JAK2: variants seen among roughly 807,000 people sequenced by gnomAD.
JAK2 encodes tyrosine-protein kinase JAK2.
In JAK2, 86 loss-of-function variants were observed where a neutral mutation model predicts 139.3. The observed-to-expected ratio is 0.62, with a 90% CI of 0.52 to 0.74. JAK2 has a LOEUF of 0.74. Ranked by LOEUF, JAK2 falls within the 30% of genes least tolerant of loss-of-function variation. The pLI is 0.00. For synonymous variants in JAK2, 490 were observed against 437.7 expected (o/e 1.12, Z -1.49); for missense variants, 1,421 against 1,360.3 (o/e 1.04, Z -0.70).
At chr9:5,012,495 T>G (rs1013400477) in intron 2 of JAK2, among the ~76,000 whole-genome samples, 1 of 152,214 alleles carries the variant, frequency 6.6e-6, no homozygotes, top group Non-Finnish European at 1.5e-5. Flanking sequence ...TATCATTTCC[T>G]TGGTGTTTGG....
intron 14 of JAK2, among the ~76,000 whole-genome samples, chr9:5,075,774 C>A (rs80025393): frequency 0.081 from 12,349 of 152,188 alleles, 1,534 homozygotes; most frequent in African/African-American, 0.27. Context: ...ACTTTCAAGT[C>A]TTATTATCTA....
chr9:4,992,618 C>CA (rs1400351074), intron 2 of JAK2, among the ~76,000 whole-genome samples: 1 of 152,182 alleles, frequency 6.6e-6, no homozygotes, highest in Non-Finnish European at 1.5e-5. Flanking sequence ...GACAGTAACT[C>CA]AGAGTCCAGT....
intron 19 of JAK2, chr9:5,085,878 G>T: frequency 1.3e-6 from 1 of 796,100 alleles, no homozygotes; most frequent in Non-Finnish European, 2.3e-6. Flanking sequence ...AAGTTCTGTT[G>T]TTGATATGAG....
chr9:5,001,344 AT>A (rs1820914324), intron 2 of JAK2, among the ~76,000 whole-genome samples: 1 of 152,124 alleles, frequency 6.6e-6, no homozygotes, highest in Non-Finnish European at 1.5e-5. Flanking sequence ...TCTTTATTTT[AT>A]TGAGGAAATT....
At chr9:5,005,546 A>G (rs1248246206) in intron 2 of JAK2, among the ~76,000 whole-genome samples, 1 of 152,032 alleles carries the variant, frequency 6.6e-6, no homozygotes, top group Non-Finnish European at 1.5e-5. Context: ...TTAAAGTGTT[A>G]TTGGATTTAA....
At chr9:5,043,016 C>A (rs1014114629) in intron 4 of JAK2, among the ~76,000 whole-genome samples, 2 of 152,194 alleles carry the variant, frequency 1.3e-5, no homozygotes, top group South Asian at 2.1e-4. Flanking sequence ...TCGCGCGGCT[C>A]GGCCCCTGGG....
At chr9:5,038,596 AT>A (rs58788809) in intron 4 of JAK2, among the ~76,000 whole-genome samples, 15,722 of 146,428 alleles carry the variant, frequency 0.11, 2,056 homozygotes, top group African/African-American at 0.32. Flanking sequence ...TGGATTTTAG[AT>A]TTTTTTTTTT....
chr9:5,083,124 T>C (rs542237458), intron 19 of JAK2, among the ~76,000 whole-genome samples: 4 of 152,306 alleles, frequency 2.6e-5, no homozygotes, highest in Non-Finnish European at 4.4e-5. Context: ...CAGGAGTTCA[T>C]TGTTAAGTGA....
chr9:5,117,134 C>T (rs1233005375), intron 22 of JAK2, among the ~76,000 whole-genome samples: 1 of 152,262 alleles, frequency 6.6e-6, no homozygotes, highest in Non-Finnish European at 1.5e-5. Context: ...AAGCAGAGAG[C>T]AGCCCTCACC....
chr9:5,091,787 C>T (rs1402060744), intron 22 of JAK2, among the ~76,000 whole-genome samples: 2 of 152,010 alleles, frequency 1.3e-5, no homozygotes, highest in Non-Finnish European at 2.9e-5. Flanking sequence ...TGAATTGTAG[C>T]TGAATAAAAA....
intron 22 of JAK2, among the ~76,000 whole-genome samples, chr9:5,122,780 G>GCATACC (rs1203522189): frequency 6.6e-6 from 1 of 151,952 alleles, no homozygotes; most frequent in Non-Finnish European, 1.5e-5. Context: ...AACAATCTAG[G>GCATACC]CATAGTGAGT....
chr9:4,999,322 T>C (rs762369525), intron 2 of JAK2, among the ~76,000 whole-genome samples: 2 of 152,250 alleles, frequency 1.3e-5, no homozygotes, highest in Non-Finnish European at 1.5e-5. Flanking sequence ...TATTAAAATA[T>C]CTTATTTGCA....
chr9:5,114,062 A>G, intron 22 of JAK2: 1 of 331,616 alleles, frequency 3.0e-6, no homozygotes, highest in African/African-American at 2.2e-5. Context: ...CCTCCACACA[A>G]AGCAAGCTCA....
chr9:5,011,795 C>T (rs62541531), intron 2 of JAK2, among the ~76,000 whole-genome samples: 51,669 of 151,974 alleles, frequency 0.34, 9,455 homozygotes, highest in African/African-American at 0.48. Context: ...TACTAGCAGA[C>T]CAACTTGATC....
intron 19 of JAK2, among the ~76,000 whole-genome samples, chr9:5,089,411 G>A (rs550426287): frequency 5.9e-5 from 9 of 152,010 alleles, no homozygotes; most frequent in Admixed American, 1.3e-4. Flanking sequence ...ATTGGCGGGC[G>A]CCTGTATTCC....
intron 19 of JAK2, 72 bp from the exon 20 acceptor site, chr9:5,089,602 A>ATAAT (rs1820414135): frequency 1.7e-6 from 1 of 605,550 alleles, no homozygotes; most frequent in African/African-American, 1.9e-5. Context: ...AATTTTCTAT[A>ATAAT]TAATTATAAA....
In JAK2 at chr9:5,112,620, T is replaced by G. The variant is rs926746037; in HGVS notation, c.3060-10384T>G. On this transcript the variant is annotated intron_variant, in intron 22 of 24. Transcript: ENST00000381652. ...AAGGAGCTGGGGCGCATGTGGCAAC[T>G]GCACCTCAACAGCGAGAAGCCCCAG... The G allele has an allele frequency of 1.6e-5, 15 of 952,558 alleles. No individual in the cohort carries two copies. In the African/African-American group the frequency reaches 2.0e-4, roughly 13 times the overall value. 59.0% of individuals were successfully genotyped at this position (952,558 alleles called of 1,614,324 possible). A position where few individuals can be genotyped will look rare whatever the true frequency, so the allele number is the denominator to read the frequency against.
chr9:5,114,019 C>A, intron 22 of JAK2: 2 of 310,636 alleles, frequency 6.4e-6, no homozygotes, highest in South Asian at 6.3e-5. Flanking sequence ...GTGAACTGGT[C>A]CATCGCCTCT....
intron 16 of JAK2, 70 bp from the exon 17 acceptor site, chr9:5,080,159 G>A: frequency 5.1e-6 from 6 of 1,183,870 alleles, no homozygotes; most frequent in Non-Finnish European, 7.1e-6. Context: ...GAACTTTAAA[G>A]CTATTTACAT....
Sources: gnomAD v4.1 joint callset for allele counts (sites outside exome capture counted in the v4.1 genomes callset) on GRCh38, gnomAD v4.1.1 for gene constraint, MANE v1.5 for transcripts, NCBI Gene and HGNC (gene_info 2026-07-23, HGNC 2026-07-21) for gene names.